FARS2: variants seen among roughly 807,000 people sequenced by gnomAD.
FARS2 encodes phenylalanine--tRNA ligase, mitochondrial.
FARS2 carries 40 observed loss-of-function variants against 46.4 expected under a neutral mutation model. The observed-to-expected ratio is 0.86, with a 90% confidence interval of 0.67 to 1.12. The LOEUF is 1.12. Ranked by LOEUF, FARS2 falls within the 50% of genes most tolerant of loss-of-function variation. The probability of loss-of-function intolerance (pLI) is 0.00; values close to 1 mark genes in which losing one functional copy is unlikely to be tolerated. For missense variants in FARS2, 513 were observed against 567.9 expected (o/e 0.90, Z 0.98); for synonymous variants, 234 against 214.9 (o/e 1.09, Z -0.78).
chr6:5,386,126 G>A (rs1760118658), intron 2 of FARS2, among the ~76,000 whole-genome samples: 1 of 152,166 alleles, frequency 6.6e-6, no homozygotes, highest in Non-Finnish European at 1.5e-5. Flanking sequence ...AAGAGGGAGA[G>A]CTCTATTCCT....
intron 6 of FARS2, among the ~76,000 whole-genome samples, chr6:5,675,283 A>G (rs768021148): frequency 1.3e-5 from 2 of 152,130 alleles, no homozygotes; most frequent in Non-Finnish European, 2.9e-5. Flanking sequence ...CTGTCAGTCC[A>G]TACAGGGACT....
intron 6 of FARS2, among the ~76,000 whole-genome samples, chr6:5,750,656 A>T (rs1381748011): frequency 6.6e-6 from 1 of 152,140 alleles, no homozygotes; most frequent in African/African-American, 2.4e-5. Context: ...GCAGCTCGCC[A>T]TGGTAGGGTT....
intron 6 of FARS2, among the ~76,000 whole-genome samples, chr6:5,641,338 C>T (rs143320548): frequency 7.2e-5 from 11 of 151,848 alleles, no homozygotes; most frequent in African/African-American, 1.9e-4. Flanking sequence ...ACTCTTTCAC[C>T]GAGGCTGGAG....
intron 1 of FARS2, among the ~76,000 whole-genome samples, chr6:5,277,517 A>C (rs964463675): frequency 6.6e-6 from 1 of 150,788 alleles, no homozygotes; most frequent in Non-Finnish European, 1.5e-5. Context: ...AAGAAAATGC[A>C]GTAAAACTTG....
chr6:5,663,076 T>C (rs946198794), intron 6 of FARS2, among the ~76,000 whole-genome samples: 1 of 152,228 alleles, frequency 6.6e-6, no homozygotes, highest in Non-Finnish European at 1.5e-5. Flanking sequence ...TTTAGTCACA[T>C]ACAACTCTAA....
chr6:5,590,661 C>A (rs564237299), intron 5 of FARS2, among the ~76,000 whole-genome samples: 1 of 152,230 alleles, frequency 6.6e-6, no homozygotes, highest in East Asian at 1.9e-4. Context: ...AGTCCTCATC[C>A]CAGTAGACTT....
intron 5 of FARS2, among the ~76,000 whole-genome samples, chr6:5,579,273 T>G (rs1242429567): frequency 6.6e-6 from 1 of 152,152 alleles, no homozygotes; most frequent in African/African-American, 2.4e-5. Flanking sequence ...AGTTTTTTGT[T>G]TTTTTTAGAT....
At chr6:5,724,560 ACTCCTCTC>A (rs1760129152) in intron 6 of FARS2, among the ~76,000 whole-genome samples, 1 of 151,864 alleles carries the variant, frequency 6.6e-6, no homozygotes, top group African/African-American at 2.4e-5. Context: ...GAGGAGGAGA[ACTCCTCTC>A]ATGACTGTGC....
chr6:5,656,290 A>G (rs946238275), intron 6 of FARS2, among the ~76,000 whole-genome samples: 6 of 152,312 alleles, frequency 3.9e-5, no homozygotes, highest in East Asian at 1.9e-4. Context: ...TCTCACACAC[A>G]TCAGCTGTAG....
chr6:5,303,845 G>A (rs1266648788), intron 1 of FARS2, among the ~76,000 whole-genome samples: 7 of 152,010 alleles, frequency 4.6e-5, no homozygotes, highest in Non-Finnish European at 8.8e-5. Flanking sequence ...CGGGATGCTC[G>A]TAATGAGGGG....
Position 5,294,050 on chromosome 6 carries a change from T to C in FARS2, c.-22+32390T>C, listed in dbSNP as rs74726009. 1.2e-3 allele frequency among the ~76,000 whole-genome samples: 186 copies of C among 152,346 alleles called. 4 individuals are homozygous for C. In the East Asian group the frequency reaches 0.031, roughly 26 times the overall value. The stretch of plus-strand genomic sequence containing the variant: ...CATGTGAATTCCTGTTTGTGATTAT[T>C]ATACAACCTAGCATCTAGCCTGATG... On this transcript the variant is annotated intron_variant, in intron 1 of 6. Coordinates refer to ENST00000274680, the MANE Select transcript of FARS2 (RefSeq NM_006567.5).
intron 4 of FARS2, among the ~76,000 whole-genome samples, chr6:5,510,766 C>T (rs1267257466): frequency 6.6e-6 from 1 of 152,160 alleles, no homozygotes; most frequent in African/African-American, 2.4e-5. Flanking sequence ...CCACCCACCC[C>T]CCTCTTGTCC....
chr6:5,351,107 C>T (rs1000900704), intron 1 of FARS2, among the ~76,000 whole-genome samples: 2 of 152,166 alleles, frequency 1.3e-5, no homozygotes, highest in African/African-American at 4.8e-5. Context: ...TTTCAGAGAG[C>T]ATCAAGGCTA....
intron 4 of FARS2, among the ~76,000 whole-genome samples, chr6:5,535,082 C>T (rs1405547269): frequency 6.6e-6 from 1 of 152,134 alleles, no homozygotes; most frequent in African/African-American, 2.4e-5. Flanking sequence ...AGTGGTATCT[C>T]ATTGTGGTTT....
chr6:5,293,946 C>T (rs573378208), intron 1 of FARS2, among the ~76,000 whole-genome samples: 2 of 152,302 alleles, frequency 1.3e-5, no homozygotes, highest in African/African-American at 4.8e-5. Flanking sequence ...TCAGATAAAA[C>T]TTCTTAGATC....
At chr6:5,438,439 T>A (rs981199695) in intron 4 of FARS2, among the ~76,000 whole-genome samples, 2 of 152,020 alleles carry the variant, frequency 1.3e-5, no homozygotes, top group African/African-American at 4.8e-5. Flanking sequence ...ATCTTCATGT[T>A]AATTGATTTT....
intron 3 of FARS2, among the ~76,000 whole-genome samples, chr6:5,412,541 T>A (rs1761994470): frequency 1.3e-5 from 2 of 152,214 alleles, no homozygotes; most frequent in Non-Finnish European, 2.9e-5. Flanking sequence ...GTGAGTGATG[T>A]CCTGGTCAGG....
At chr6:5,536,827 A>C (rs1770234579) in intron 4 of FARS2, among the ~76,000 whole-genome samples, 1 of 152,226 alleles carries the variant, frequency 6.6e-6, no homozygotes, top group Non-Finnish European at 1.5e-5. Context: ...GCTTCTTTGA[A>C]TAGGCACAAG....
intron 3 of FARS2, among the ~76,000 whole-genome samples, chr6:5,408,566 G>A (rs1024090496): frequency 1.3e-5 from 2 of 152,164 alleles, no homozygotes; most frequent in African/African-American, 4.8e-5. Context: ...AACAGGTCAC[G>A]TAGCATTTCA....
Sources: allele counts gnomAD v4.1 joint callset (sites outside exome capture counted in the v4.1 genomes callset), GRCh38; gene constraint gnomAD v4.1.1; transcripts MANE v1.5; gene names NCBI Gene and HGNC (gene_info 2026-07-23, HGNC 2026-07-21).